The following KANSL3 variants were observed in gnomAD, a reference collection of about 807,000 sequenced individuals.
The protein encoded by KANSL3 is NSL complex protein NSL3.
Under a neutral mutation model 89.2 loss-of-function variants are expected in KANSL3, and 16 were observed. That is an observed-to-expected ratio of 0.18 (90% CI 0.12 to 0.27). KANSL3 has a LOEUF of 0.27. KANSL3 is among the 10% of genes least tolerant of loss of function. The pLI is 1.00. For synonymous variants in KANSL3, 385 were observed against 419.7 expected (o/e 0.92, Z 1.01); for missense variants, 879 against 1,110.6 (o/e 0.79, Z 2.96).
intron 3 of KANSL3, among the ~76,000 whole-genome samples, chr2:96,625,125 G>A (rs755972598): frequency 7.9e-5 from 12 of 152,214 alleles, no homozygotes; most frequent in South Asian, 4.1e-4. Context: ...GAGGAGAATC[G>A]CCTGAACCCA....
Position 96,594,157 on chromosome 2 carries a change from A to T in KANSL3, c.*1454T>A, listed in dbSNP as rs942570377. On this transcript the variant is annotated 3_prime_UTR_variant, in exon 21 of 21. Coordinates refer to ENST00000431828, the MANE Select transcript of KANSL3 (RefSeq NM_001115016.3). ...CCAGGAAGGCTCCCAGATTGAACAC[A>T]GGTGACCTGGTATAGATACACACTG... 2 of 152,248 alleles carry T rather than the reference A, an allele frequency of 1.3e-5. No homozygotes were observed. The highest frequency in any genetic ancestry group is 4.8e-5 in the African/African-American group (2 of 41,440). 9.4% of individuals were successfully genotyped at this position (152,248 alleles called of 1,614,324 possible). A position where few individuals can be genotyped will look rare whatever the true frequency, so the allele number is the denominator to read the frequency against.
intron 20 of KANSL3, chr2:96,598,165 A>G: frequency 1.0e-6 from 1 of 984,900 alleles, no homozygotes. Flanking sequence ...GACACCCTAA[A>G]AACAGGCCCA....
chr2:96,616,397 A>G (rs1427685042), intron 5 of KANSL3, among the ~76,000 whole-genome samples: 1 of 152,230 alleles, frequency 6.6e-6, no homozygotes, highest in African/African-American at 2.4e-5. Context: ...GGAGCTGGGA[A>G]GACCAAGCTT....
At chr2:96,601,413 T>A in intron 20 of KANSL3, 1 of 985,404 alleles carries the variant, frequency 1.0e-6, no homozygotes, top group Non-Finnish European at 1.2e-6. Context: ...GCTACCCACT[T>A]GAACATATGT....
rs1188504035 is a variant in KANSL3, at chr2:96,594,722, AC to A, written c.*888del. On this transcript the variant is annotated 3_prime_UTR_variant, in exon 21 of 21. Transcript: ENST00000431828. ...TCTTCTTTTTATCTCCAGCTGAACC[AC>A]CAGTTCCTTGGGTAGCAGAGCAGAG... The A allele has an allele frequency of 6.6e-6, 1 of 152,184 alleles. No individual in the cohort carries two copies. The highest frequency in any genetic ancestry group is 1.9e-4 in the East Asian group (1 of 5,200). The allele number at this position is 152,184 out of a possible 1,614,324, so 9.4% of individuals were successfully genotyped here.
chr2:96,611,903 ATGTGTGTGTG>A (rs59217274), intron 9 of KANSL3, among the ~76,000 whole-genome samples: 4 of 113,304 alleles, frequency 3.5e-5, no homozygotes, highest in South Asian at 3.5e-4. Context: ...ATATACCCAT[ATGTGTGTGTG>A]TGTGTGTGTG....
intron 2 of KANSL3, among the ~76,000 whole-genome samples, chr2:96,634,551 C>T (rs1351072430): frequency 6.6e-6 from 1 of 151,552 alleles, no homozygotes; most frequent in Non-Finnish European, 1.5e-5. Context: ...AATCCTAGTG[C>T]CCCAAGGGTC....
the KANSL3 span, among the ~76,000 whole-genome samples, chr2:96,586,043 A>G: frequency 6.6e-6 from 1 of 152,118 alleles, no homozygotes; most frequent in Non-Finnish European, 1.5e-5. Context: ...CCTGGCCAAC[A>G]TGGTGAAACC....
chr2:96,617,073 C>T (rs1321529593), intron 5 of KANSL3, among the ~76,000 whole-genome samples: 2 of 152,142 alleles, frequency 1.3e-5, no homozygotes, highest in Admixed American at 6.5e-5. Flanking sequence ...TGTGAAGATG[C>T]CTACGATACT....
intron 3 of KANSL3, among the ~76,000 whole-genome samples, chr2:96,625,768 A>G (rs975152246): frequency 4.6e-5 from 7 of 152,216 alleles, no homozygotes; most frequent in Admixed American, 2.6e-4. Flanking sequence ...CATGATCTCT[A>G]TATTTTGTCA....
downstream of KANSL3, among the ~76,000 whole-genome samples, chr2:96,592,738 T>A (rs1432430719): frequency 6.6e-6 from 1 of 152,172 alleles, no homozygotes; most frequent in African/African-American, 2.4e-5. Context: ...GTGTGGTGGC[T>A]CACGCCTGTA....
At chr2:96,601,943 C>A in intron 19 of KANSL3, 167 bp from the exon 20 acceptor site, 1 of 1,240,368 alleles carries the variant, frequency 8.1e-7, no homozygotes. Flanking sequence ...CAGGAAACAG[C>A]CTGTGTTCTC....
intron 14 of KANSL3, 33 bp from the exon 15 acceptor site, chr2:96,605,544 A>G (rs2067847569): frequency 1.3e-6 from 2 of 1,562,686 alleles, no homozygotes; most frequent in African/African-American, 1.4e-5. Context: ...GATCCTCCAC[A>G]ATCCAAAAAA....
At chr2:96,601,830 T>C in intron 19 of KANSL3, 54 bp from the exon 20 acceptor site, 1 of 1,501,734 alleles carries the variant, frequency 6.7e-7, no homozygotes, top group East Asian at 2.3e-5. Flanking sequence ...CACCTTCTAC[T>C]GAGGCTTTCC....
In KANSL3 at chr2:96,619,403, T is replaced by C. The variant is rs1477330733; in HGVS notation, c.619A>G (p.Met207Val). 2.5e-6 allele frequency: 4 copies of C among 1,613,652 alleles called. No homozygotes were observed. Among genetic ancestry groups the C allele is most frequent in the East Asian group, 4.5e-5 (2 of 44,868 alleles). ...AAAGCATCCAGGTAGGCTGCCAGCA[T>C]GGGCAGACTCAAGGTCTCCACAAGG... ...TTLVETLSLPMLAAYLDALQT... is the reference protein window; with the variant it reads ...TTLVETLSLPVLAAYLDALQT... The change falls in exon 5 of 21, where the codon ATG becomes GTG. Residue 207 changes from methionine to valine, a missense_variant. By Grantham distance (21) the Met-to-Val change is conservative (BLOSUM62 1). Around this residue, in one of 6 missense-constraint regions of KANSL3, gnomAD observed 210 missense variants for 311.9 expected, o/e 0.67. Transcript: ENST00000431828.
Position 96,637,064 on chromosome 2 carries a change from C to T in KANSL3, c.72G>A (p.Gln24=). 1 of 1,551,718 alleles carries T rather than the reference C, an allele frequency of 6.4e-7. No homozygotes were observed. Among genetic ancestry groups the T allele is most frequent in the South Asian group, 1.2e-5 (1 of 84,062 alleles). ...ARRMGTSLLF[Q]LSVHERELDL... is the part of the protein sequence containing the mutation. ...CCAGCTCCCGTTCATGCACTGAAAG[C>T]TGGAAGAGCAGCGAGGTGCCCATGC... is the stretch of plus-strand genomic sequence containing the variant. The change falls in exon 2 of 21, where the codon CAG becomes CAA. Residue 24 remains glutamine, a synonymous_variant. Transcript: ENST00000431828.
intron 19 of KANSL3, 76 bp downstream of exon 19, chr2:96,602,040 G>A: frequency 7.2e-7 from 1 of 1,379,378 alleles, no homozygotes; most frequent in South Asian, 1.3e-5. Context: ...ATCATACCTT[G>A]CCCACATGAG....
At chr2:96,581,450 T>C in the KANSL3 span, among the ~76,000 whole-genome samples, 1 of 151,996 alleles carries the variant, frequency 6.6e-6, no homozygotes, top group African/African-American at 2.4e-5. Flanking sequence ...GTTTAGATTA[T>C]ATCTTTGTTC....
chr2:96,604,204 C>G, intron 17 of KANSL3, 46 bp downstream of exon 17: 1 of 1,547,832 alleles, frequency 6.5e-7, no homozygotes, highest in Non-Finnish European at 8.7e-7. Context: ...AAGCAGCAGA[C>G]CAAAAATTCT....
Sources: allele counts gnomAD v4.1 joint callset (sites outside exome capture counted in the v4.1 genomes callset), GRCh38; gene constraint gnomAD v4.1.1; regional missense constraint gnomAD v4.1.1; transcripts MANE v1.5; gene names NCBI Gene and HGNC (gene_info 2026-07-23, HGNC 2026-07-21).